FAT1: variants seen among roughly 807,000 people sequenced by gnomAD.
FAT1 encodes the protein FAT atypical cadherin 1, also known as protocadherin Fat 1.
In FAT1, 171 loss-of-function variants were observed where a neutral mutation model predicts 329.8. The ratio of observed to expected loss-of-function variants is 0.52; its 90% confidence interval spans 0.46 to 0.59. The LOEUF is 0.59. Ranked by LOEUF, FAT1 falls within the 20% of genes least tolerant of loss-of-function variation. FAT1 has a pLI of 0.00. For synonymous variants in FAT1, 2,233 were observed against 2,228.6 expected (o/e 1.00, Z -0.06); for missense variants, 5,672 against 5,774.4 (o/e 0.98, Z 0.57).
At chr4:186,605,328 GTGAGGAGGAGGGGTGA>G (rs1237776183) in intron 17 of FAT1, among the ~76,000 whole-genome samples, 4 of 143,056 alleles carry the variant, frequency 2.8e-5, no homozygotes, top group Non-Finnish European at 6.1e-5. Flanking sequence ...AGGAGGGGTA[GTGAGGAGGAGGGGTGA>G]TGAGGAGGAG....
chr4:186,615,439 A>G (rs765674672), intron 11 of FAT1, among the ~76,000 whole-genome samples: 8 of 151,990 alleles, frequency 5.3e-5, no homozygotes, highest in Non-Finnish European at 7.4e-5. Context: ...TCCTCTTCAC[A>G]ATCACATTCC....
chr4:186,700,019 T>C (rs1220065376), intron 2 of FAT1, among the ~76,000 whole-genome samples: 1 of 152,006 alleles, frequency 6.6e-6, no homozygotes, highest in African/African-American at 2.4e-5. Flanking sequence ...AAAAAACAGT[T>C]CCCTGGCAAG....
At chr4:186,631,966 G>A (rs920485298) in intron 7 of FAT1, among the ~76,000 whole-genome samples, 8 of 130,928 alleles carry the variant, frequency 6.1e-5, no homozygotes, top group African/African-American at 2.3e-4. Context: ...CATTCCCTTT[G>A]TCCCACACCT....
At chr4:186,667,769 G>A (rs1162276070) in intron 2 of FAT1, among the ~76,000 whole-genome samples, 1 of 152,216 alleles carries the variant, frequency 6.6e-6, no homozygotes, top group Non-Finnish European at 1.5e-5. Context: ...CATGAGGAAA[G>A]AGAAGCTTAG....
intron 14 of FAT1, among the ~76,000 whole-genome samples, chr4:186,610,613 A>ATTATATAAATATAAATTATATAAT (rs1739366419): frequency 7.8e-6 from 1 of 127,838 alleles, no homozygotes; most frequent in Non-Finnish European, 1.6e-5. Context: ...ATTTATATAA[A>ATTATATAAATATAAATTATATAAT]TTATATAAAT....
rs1353945234 is a variant in FAT1 at position 186,708,849 on chromosome 4, T to A, written c.979A>T (p.Ser327Cys). ...GTGAGATTGTAGCCGAAAGGATGAC[T>A]GTCCCAATCAATGCCACCGATGGCT... ...VKAIGGIDWD[S>C]HPFGYNLTLQ... Residue 327 changes from serine to cysteine, a missense_variant, in exon 2 of 27, where the codon AGT (serine) becomes TGT (cysteine). Physicochemically the swap from Ser to Cys is moderately radical, Grantham distance 112. Coordinates refer to ENST00000441802, the MANE Select transcript of FAT1 (RefSeq NM_005245.4). 1 of 1,614,000 alleles carries A rather than the reference T, an allele frequency of 6.2e-7. No individual in the cohort carries two copies. Among genetic ancestry groups the A allele is most frequent in the Admixed American group, 1.7e-5 (1 of 60,020 alleles).
chr4:186,698,069 C>T (rs1223408796), intron 2 of FAT1, among the ~76,000 whole-genome samples: 3 of 152,206 alleles, frequency 2.0e-5, no homozygotes, highest in East Asian at 3.9e-4. Flanking sequence ...AAGCTTCGCT[C>T]AACCTTCACA....
Position 186,620,026 on chromosome 4 carries a change from T to C in FAT1, c.6560A>G (p.Tyr2187Cys), listed in dbSNP as rs761703429. The C allele has an allele frequency of 3.1e-6, 5 of 1,613,966 alleles. No individual in the cohort carries two copies. Among genetic ancestry groups the C allele is most frequent in the Non-Finnish European group, 4.2e-6 (5 of 1,179,886 alleles). Reference protein sequence around the residue: ...KAMPVFEKPFYSAEIAESIQV... With the variant: ...KAMPVFEKPFCSAEIAESIQV... ...GATGCTCTCTGCAATCTCTGCACTG[T>C]AGAAAGGTTTTTCAAACACAGGCAT... The change falls in exon 10 of 27, where the codon TAC (tyrosine) becomes TGC (cysteine). Residue 2187 changes from tyrosine to cysteine, a missense_variant. This residue lies in a region of FAT1 where 3,966 missense variants were observed against 3,915.2 expected (regional missense o/e 1.01). Coordinates refer to ENST00000441802, the MANE Select transcript of FAT1 (RefSeq NM_005245.4).
At chr4:186,635,818 T>C (rs1349906163) in intron 6 of FAT1, among the ~76,000 whole-genome samples, 1 of 152,220 alleles carries the variant, frequency 6.6e-6, no homozygotes, top group Non-Finnish European at 1.5e-5. Flanking sequence ...CTTGGTAGAA[T>C]AGAGCACCTA....
Position 186,610,200 on chromosome 4 carries a change from T to A in FAT1, c.9854-185A>T. The A allele has an allele frequency of 5.3e-6, 3 of 568,194 alleles. No homozygotes were observed. In the South Asian group the frequency reaches 6.7e-5, roughly 13 times the overall value. 35.2% of individuals were successfully genotyped at this position (568,194 alleles called of 1,614,324 possible). A position where few individuals can be genotyped will look rare whatever the true frequency, so the allele number is the denominator to read the frequency against. On this transcript the variant is annotated intron_variant, in intron 14 of 26. Coordinates refer to ENST00000441802, the MANE Select transcript of FAT1 (RefSeq NM_005245.4). ...AACTATGAATCTGCCCATCCCTGGATCTTTATTTCTCTTAATTTTCATGAT... is the reference window on the plus strand; with the variant it reads ...AACTATGAATCTGCCCATCCCTGGAACTTTATTTCTCTTAATTTTCATGAT...
At chr4:186,595,869 G>C in intron 25 of FAT1, 43 bp from the exon 26 acceptor site, 9 of 1,606,380 alleles carry the variant, frequency 5.6e-6, no homozygotes, top group Non-Finnish European at 7.7e-6. Flanking sequence ...GGGCCAAGAC[G>C]GTTTTGTTCA....
At position 186,611,409 on chromosome 4, in the gene FAT1, T is replaced by C; in HGVS notation, c.9830A>G (p.Lys3277Arg). ...YSIISGNEHGKFSIDSKTGAV... is the reference protein window; with the variant it reads ...YSIISGNEHGRFSIDSKTGAV... The stretch of plus-strand genomic sequence containing the variant: ...ACCTGTTTTAGAATCTATGCTGAAT[T>C]TCCCATGTTCATTTCCACTTATTAT... Residue 3277 changes from lysine to arginine, a missense_variant, in exon 14 of 27, where the codon AAA becomes AGA. Lys to Arg is a conservative substitution (Grantham distance 26). Coordinates refer to ENST00000441802, the MANE Select transcript of FAT1 (RefSeq NM_005245.4). The C allele has an allele frequency of 6.2e-7, 1 of 1,612,648 alleles. No individual in the cohort carries two copies. Among genetic ancestry groups the C allele is most frequent in the South Asian group, 1.1e-5 (1 of 90,838 alleles).
At chr4:186,608,568 C>A (rs1273480639) in intron 16 of FAT1, among the ~76,000 whole-genome samples, 1 of 151,998 alleles carries the variant, frequency 6.6e-6, no homozygotes, top group Non-Finnish European at 1.5e-5. Flanking sequence ...TAATACTTTT[C>A]GATCCATGTT....
At chr4:186,716,782 TTTTG>T (rs375984788) in intron 1 of FAT1, among the ~76,000 whole-genome samples, 49 of 152,226 alleles carry the variant, frequency 3.2e-4, no homozygotes, top group African/African-American at 1.0e-3. Context: ...AAACGAGTTT[TTTTG>T]TTTGTTTGTT....
chr4:186,696,116 A>G (rs1380849658), intron 2 of FAT1, among the ~76,000 whole-genome samples: 1 of 152,118 alleles, frequency 6.6e-6, no homozygotes, highest in South Asian at 2.1e-4. Flanking sequence ...CTTATTTTAA[A>G]AATTACTGAC....
chr4:186,597,420 G>A (rs558741549), intron 24 of FAT1: 61 of 579,892 alleles, frequency 1.1e-4, no homozygotes, highest in Non-Finnish European at 1.5e-4. Flanking sequence ...AATATTAATG[G>A]CCATTTTCCT....
intron 26 of FAT1, chr4:186,590,281 G>T: frequency 1.3e-6 from 1 of 781,254 alleles, no homozygotes; most frequent in Non-Finnish European, 1.9e-6. Context: ...AACACTGGGC[G>T]ACCCAGCGTA....
In FAT1 at chr4:186,621,787, G is replaced by A. The variant is rs1306178567; in HGVS notation, c.4811-12C>T. On this transcript the variant is annotated splice_polypyrimidine_tract_variant and intron_variant, in intron 9 of 26. Transcript: ENST00000441802. ...ATTTCCAATATTTCCTGGAAGGAGA[G>A]GAAAAAATACATGTTACAGAAAAAC... 1 of 1,506,342 alleles carries A rather than the reference G, an allele frequency of 6.6e-7. No homozygotes were observed. The highest frequency in any genetic ancestry group is 2.3e-5 in the Admixed American group (1 of 42,986). The allele number at this position is 1,506,342 out of a possible 1,614,324, so 93.3% of individuals were successfully genotyped here.
chr4:186,674,909 C>G (rs985235160), intron 2 of FAT1, among the ~76,000 whole-genome samples: 1 of 152,080 alleles, frequency 6.6e-6, no homozygotes, highest in African/African-American at 2.4e-5. Flanking sequence ...TGGCAGGCAC[C>G]TGTAGTCCCA....
Sources: gnomAD v4.1 joint callset for allele counts (sites outside exome capture counted in the v4.1 genomes callset) on GRCh38, gnomAD v4.1.1 for gene constraint, gnomAD v4.1.1 regional missense constraint, MANE v1.5 for transcripts, NCBI Gene and HGNC (gene_info 2026-07-23, HGNC 2026-07-21) for gene names.